The following SGCG variants were observed in gnomAD, a reference collection of about 807,000 sequenced individuals.
SGCG encodes the protein sarcoglycan gamma.
SGCG carries 26 observed loss-of-function variants against 29.3 expected under a neutral mutation model. The ratio of observed to expected loss-of-function variants is 0.89; its 90% CI spans 0.65 to 1.23. The LOEUF (loss-of-function observed/expected upper bound fraction) is 1.23. SGCG is among the 50% of genes most tolerant of loss of function. The pLI, the probability that SGCG is intolerant of heterozygous loss-of-function variation, is 0.00. For missense variants in SGCG, 353 were observed against 356.0 expected (o/e 0.99, Z 0.07); for synonymous variants, 145 against 129.7 (o/e 1.12, Z -0.80).
chr13:23,164,262 CA>C, the SGCG span, among the ~76,000 whole-genome samples: 1 of 152,214 alleles, frequency 6.6e-6, no homozygotes, highest in African/African-American at 2.4e-5. Flanking sequence ...GTTTAATTAT[CA>C]CAGGTACATG....
At chr13:23,269,936 G>A (rs988749633) in intron 4 of SGCG, among the ~76,000 whole-genome samples, 1 of 147,994 alleles carries the variant, frequency 6.8e-6, no homozygotes, top group Admixed American at 6.9e-5. Flanking sequence ...GTGCAGTGGC[G>A]CAGTCTTAGC....
chr13:23,166,298 T>G, the SGCG span, among the ~76,000 whole-genome samples: 1 of 152,130 alleles, frequency 6.6e-6, no homozygotes, highest in Non-Finnish European at 1.5e-5. Flanking sequence ...CGAGTTCAAG[T>G]GGTTCTCCTG....
chr13:23,188,521 G>A (rs1233813133), intron 1 of SGCG, among the ~76,000 whole-genome samples: 1 of 133,450 alleles, frequency 7.5e-6, no homozygotes, highest in African/African-American at 2.9e-5. Context: ...TATTCACCAT[G>A]TTGGTCAGGC....
chr13:23,232,119 G>GA (rs11333704), intron 2 of SGCG, among the ~76,000 whole-genome samples: 230 of 131,244 alleles, frequency 1.8e-3, no homozygotes, highest in East Asian at 2.5e-3. Flanking sequence ...ATTCCATAAA[G>GA]AAAAAAAAAA....
intron 3 of SGCG, among the ~76,000 whole-genome samples, chr13:23,249,481 GT>G (rs1879874690): frequency 6.6e-6 from 1 of 152,124 alleles, no homozygotes. Flanking sequence ...TGCTTTTTCA[GT>G]TGGTTTTTAT....
rs1879245733 is a variant in SGCG, at chr13:23,234,721, A to G, written c.297+9A>G. 1 of 1,490,378 alleles carries G rather than the reference A, an allele frequency of 6.7e-7. No homozygotes were observed. The highest frequency in any genetic ancestry group is 1.4e-5 in the African/African-American group (1 of 72,392). The allele number at this position is 1,490,378 out of a possible 1,614,324, so 92.3% of individuals were successfully genotyped here. On this transcript the variant is annotated intron_variant, in intron 3 of 7. Coordinates refer to ENST00000218867, the MANE Select transcript of SGCG (RefSeq NM_000231.3). ...AAATACACTCCAGAGTGGTAAGAAA[A>G]TGTTAAGACAAATAATTTGTGCTTT...
intron 4 of SGCG, among the ~76,000 whole-genome samples, chr13:23,251,711 C>A (rs1241874293): frequency 1.3e-5 from 2 of 151,984 alleles, no homozygotes; most frequent in East Asian, 1.9e-4. Context: ...GAATTCAATT[C>A]TGTGGTGGAA....
chr13:23,188,406 A>C (rs1015183269), intron 1 of SGCG, among the ~76,000 whole-genome samples: 3 of 138,462 alleles, frequency 2.2e-5, no homozygotes, highest in East Asian at 2.1e-4. Context: ...GCTCACTGCA[A>C]TCTCCACCTC....
At position 23,201,248 on chromosome 13, in the gene SGCG, GAA is replaced by G. The variant is rs372757733; in HGVS notation, c.1-2446_1-2445del. Among the ~76,000 whole-genome samples, 499 of 152,250 alleles carry G rather than the reference GAA, an allele frequency of 3.3e-3. 2 individuals are homozygous for G. Among genetic ancestry groups the G allele is most frequent in the African/African-American group, 0.011 (470 of 41,546 alleles). ...GATAAAATTGTCTTAAATGGATACT[GAA>G]GTTTTCTCAGTGTTATGTAAGGGTG... is the stretch of plus-strand genomic sequence containing the variant. On this transcript the variant is annotated intron_variant, in intron 1 of 7. Transcript: ENST00000218867.
chr13:23,226,784 C>T (rs1402628629), intron 2 of SGCG, among the ~76,000 whole-genome samples: 1 of 151,938 alleles, frequency 6.6e-6, no homozygotes, highest in Non-Finnish European at 1.5e-5. Flanking sequence ...CAGTGGGTAC[C>T]GAGTTGCAGT....
At chr13:23,187,329 T>C (rs1182555878) in intron 1 of SGCG, among the ~76,000 whole-genome samples, 1 of 152,190 alleles carries the variant, frequency 6.6e-6, no homozygotes, top group Non-Finnish European at 1.5e-5. Context: ...CTCAGACTTC[T>C]CTGTCCTCCC....
the SGCG span, among the ~76,000 whole-genome samples, chr13:23,175,183 A>G: frequency 6.6e-6 from 1 of 152,198 alleles, no homozygotes; most frequent in African/African-American, 2.4e-5. Context: ...AATTGGATAG[A>G]TCATGTCTGG....
chr13:23,303,460 T>G (rs1009413514), intron 6 of SGCG, among the ~76,000 whole-genome samples: 47 of 152,310 alleles, frequency 3.1e-4, no homozygotes, highest in African/African-American at 1.1e-3. Flanking sequence ...CCCACAGGCA[T>G]GTTCAGAATC....
intron 6 of SGCG, among the ~76,000 whole-genome samples, chr13:23,304,009 G>T (rs1405959207): frequency 1.3e-5 from 2 of 152,094 alleles, no homozygotes; most frequent in African/African-American, 4.8e-5. Flanking sequence ...TATGAGTGAG[G>T]TGGAGCAACT....
At chr13:23,213,976 A>G (rs1173715697) in intron 2 of SGCG, among the ~76,000 whole-genome samples, 1 of 152,118 alleles carries the variant, frequency 6.6e-6, no homozygotes, top group Non-Finnish European at 1.5e-5. Context: ...CATGAAAGGA[A>G]CTCTCTGAAA....
At chr13:23,172,989 GA>G in the SGCG span, among the ~76,000 whole-genome samples, 1 of 152,184 alleles carries the variant, frequency 6.6e-6, no homozygotes, top group African/African-American at 2.4e-5. Context: ...TTGTGTTTGA[GA>G]AGATTGAGAA....
intron 4 of SGCG, among the ~76,000 whole-genome samples, chr13:23,252,508 A>G (rs1295643153): frequency 2.0e-5 from 3 of 152,026 alleles, no homozygotes; most frequent in Non-Finnish European, 4.4e-5. Flanking sequence ...TGGCTAACAC[A>G]GTGAAACCAC....
At chr13:23,321,577 C>T (rs1393135332) in intron 7 of SGCG, among the ~76,000 whole-genome samples, 2 of 152,154 alleles carry the variant, frequency 1.3e-5, no homozygotes, top group African/African-American at 4.8e-5. Flanking sequence ...GTGGAGATGG[C>T]TCCTCAGTGA....
At chr13:23,184,074 T>TTAAA (rs1405624691) in intron 1 of SGCG, among the ~76,000 whole-genome samples, 1 of 152,246 alleles carries the variant, frequency 6.6e-6, no homozygotes, top group Non-Finnish European at 1.5e-5. Context: ...GAAAGTCACT[T>TTAAA]TAAATCATCC....
Sources: allele counts gnomAD v4.1 joint callset (sites outside exome capture counted in the v4.1 genomes callset), GRCh38; gene constraint gnomAD v4.1.1; transcripts MANE v1.5; gene names NCBI Gene and HGNC (gene_info 2026-07-23, HGNC 2026-07-21).